Variants in BRCA1 observed in about 807,000 individuals in gnomAD.
The protein encoded by BRCA1 is breast cancer type 1 susceptibility protein.
BRCA1 carries 140 observed loss-of-function variants against 173.7 expected under a neutral mutation model. That is an observed-to-expected ratio of 0.81 (90% CI 0.70 to 0.93). The LOEUF (loss-of-function observed/expected upper bound fraction) is 0.93, where lower values mean the gene tolerates loss of function less well. BRCA1 is among the 40% of genes least tolerant of loss of function. The probability of loss-of-function intolerance (pLI) is 0.00; values close to 1 mark genes in which losing one functional copy is unlikely to be tolerated. For synonymous variants in BRCA1, 662 were observed against 756.0 expected (o/e 0.88, Z 2.04); for missense variants, 1,983 against 2,172.5 (o/e 0.91, Z 1.73).
chr17:43,125,230 C>T (rs2055823430), intron 1 of BRCA1, 41 bp downstream of exon 1: 1 of 456,072 alleles, frequency 2.2e-6, no homozygotes, highest in Non-Finnish European at 4.4e-6. Context: ...TACCCCAGAG[C>T]ATCACTTGGG....
intron 12 of BRCA1, chr17:43,079,867 T>A (rs1597844364): frequency 3.0e-6 from 2 of 664,384 alleles, no homozygotes; most frequent in East Asian, 5.4e-5. Flanking sequence ...GCATATAAAT[T>A]CCTCTTCTTA....
intron 1 of BRCA1, among the ~76,000 whole-genome samples, chr17:43,168,998 G>A (rs139315219): frequency 6.6e-6 from 1 of 152,098 alleles, no homozygotes; most frequent in Non-Finnish European, 1.5e-5. Context: ...CATCCCTGCC[G>A]GCAGCATCTG....
Position 43,049,620 on chromosome 17 carries a change from G to A in BRCA1, c.5333-426C>T, listed in dbSNP as rs554307369. Among the ~76,000 whole-genome samples the A allele has an allele frequency of 2.2e-4, 34 of 152,224 alleles. No individual in the cohort carries two copies. Among genetic ancestry groups the A allele is most frequent in the African/African-American group, 8.2e-4 (34 of 41,532 alleles). ...GGCCACTGAAAATACCATACTTGGT[G>A]GTAATTACTGTAAATGTCAAGAGAT... On this transcript the variant is annotated intron_variant, in intron 20 of 22. Transcript: ENST00000357654.
intron 6 of BRCA1, among the ~76,000 whole-genome samples, chr17:43,103,466 CAAAA>C (rs900598227): frequency 9.3e-5 from 6 of 64,646 alleles, no homozygotes; most frequent in African/African-American, 1.0e-4. Flanking sequence ...GACTCTGTCT[CAAAA>C]AAAAAAAAAA....
chr17:43,098,983 ATT>A (rs577010874), intron 7 of BRCA1, among the ~76,000 whole-genome samples: 40 of 130,416 alleles, frequency 3.1e-4, no homozygotes, highest in East Asian at 4.5e-4. Flanking sequence ...ACCCCGGCTA[ATT>A]TTTTTTTTTT....
intron 12 of BRCA1, among the ~76,000 whole-genome samples, chr17:43,080,979 G>C (rs373592036): frequency 2.0e-5 from 3 of 152,036 alleles, no homozygotes; most frequent in South Asian, 2.1e-4. Context: ...GGAGAAAAAG[G>C]CTCAAAACTT....
intron 15 of BRCA1, among the ~76,000 whole-genome samples, chr17:43,068,503 G>A (rs891598029): frequency 2.0e-5 from 3 of 150,384 alleles, no homozygotes; most frequent in African/African-American, 7.3e-5. Flanking sequence ...TTGAGCTCAA[G>A]AGTCTGAGAC....
In BRCA1 at chr17:43,093,954, T is replaced by C. The variant is rs2053917320; in HGVS notation, c.1577A>G (p.Gln526Arg). 6.2e-7 allele frequency: 1 copy of C among 1,613,896 alleles called. No homozygotes were observed. The highest frequency in any genetic ancestry group is 8.5e-7 in the Non-Finnish European group (1 of 1,179,946). ...CTGATTTATCATTTCAGGAGTCTTT[T>C]GAACTGCCAAATCTGCTTTCTTGAT... ...DFIKKADLAV[Q>R]KTPEMINQGT... Residue 526 changes from glutamine (Q) to arginine (R), a missense_variant, in exon 10 of 23, where the codon CAA becomes CGA. By Grantham distance (43) the Gln-to-Arg change is conservative (BLOSUM62 1). Transcript: ENST00000357654.
Position 43,067,387 on chromosome 17 carries a change from T to C in BRCA1, c.5074+221A>G, listed in dbSNP as rs142117419. The C allele has an allele frequency of 1.0e-3, 426 of 418,644 alleles. 2 individuals carry two copies. Among genetic ancestry groups the C allele is most frequent in the African/African-American group, 8.2e-3 (401 of 48,784 alleles). 25.9% of individuals were successfully genotyped at this position (418,644 alleles called of 1,614,324 possible). ...CTCCTGCCTCAGCCTCACGAGTAGC[T>C]GGGACTACAGGCGCACGCGACCACA... is the stretch of plus-strand genomic sequence containing the variant. On this transcript the variant is annotated intron_variant, in intron 16 of 22. Coordinates refer to ENST00000357654, the MANE Select transcript of BRCA1 (RefSeq NM_007294.4).
At position 43,093,065 on chromosome 17, in the gene BRCA1, A is replaced by G. The variant is rs1064794701; in HGVS notation, c.2466T>C (p.Asn822=). The change falls in exon 10 of 23, where the codon AAT becomes AAC. Residue 822 remains asparagine, a synonymous_variant. Coordinates refer to ENST00000357654, the MANE Select transcript of BRCA1 (RefSeq NM_007294.4). ...KGLIHGCSKD[N]RNDTEGFKYP... ...ACTTAAAGCCTTCTGTGTCATTTCT[A>G]TTATCTTTGGAACAACCATGAATTA... 5 of 1,613,692 alleles carry G rather than the reference A, an allele frequency of 3.1e-6. No homozygotes were observed. In the South Asian group the frequency reaches 3.3e-5, roughly 11 times the overall value.
At position 43,125,342 on chromosome 17, in the gene BRCA1, T is replaced by A. The variant is rs1271328462; in HGVS notation, c.-91A>T. On this transcript the variant is annotated 5_prime_UTR_variant, in exon 1 of 23. Transcript: ENST00000357654. ...GTTATCTGAGAAACCCCACAGCCTG[T>A]CCCCCGTCCAGGAAGTCTCAGCGAG... 1 of 442,398 alleles carries A rather than the reference T, an allele frequency of 2.3e-6. No individual in the cohort carries two copies. Among genetic ancestry groups the A allele is most frequent in the African/African-American group, 2.0e-5 (1 of 49,686 alleles). The allele number at this position is 442,398 out of a possible 1,614,324, so 27.4% of individuals were successfully genotyped here. A position where few individuals can be genotyped will look rare whatever the true frequency, so the allele number is the denominator to read the frequency against.
chr17:43,104,926 T>C lies in BRCA1; in HGVS notation c.243A>G (p.Gln81=), dbSNP rs863224418. Residue 81 remains glutamine, a synonymous_variant, in exon 5 of 23, where the codon CAA becomes CAG. Coordinates refer to ENST00000357654, the MANE Select transcript of BRCA1 (RefSeq NM_007294.4). ...RSLQESTRFS[Q]LVEELLKIIC... is the part of the protein sequence containing the mutation. ...TGATTTTCAATAGCTCTTCAACAAGTTGACTAAATCTCGTACTTTCTTGTA... is the reference window on the plus strand; with the variant it reads ...TGATTTTCAATAGCTCTTCAACAAGCTGACTAAATCTCGTACTTTCTTGTA... 7 of 1,613,930 alleles carry C rather than the reference T, an allele frequency of 4.3e-6. No individual in the cohort carries two copies. The highest frequency in any genetic ancestry group is 2.2e-5 in the East Asian group (1 of 44,834).
intron 18 of BRCA1, among the ~76,000 whole-genome samples, chr17:43,061,781 C>T (rs1384043151): frequency 1.3e-5 from 2 of 152,048 alleles, no homozygotes; most frequent in African/African-American, 2.4e-5. Flanking sequence ...GACAAGGTTT[C>T]ACCATGTTGA....
At chr17:43,068,188 A>G (rs2052230801) in intron 15 of BRCA1, among the ~76,000 whole-genome samples, 1 of 151,828 alleles carries the variant, frequency 6.6e-6, no homozygotes, top group African/African-American at 2.4e-5. Context: ...GAGGCAGGAG[A>G]ATGGCGTGAA....
chr17:43,131,007 C>T (rs757049908), intron 1 of BRCA1, among the ~76,000 whole-genome samples: 6 of 152,164 alleles, frequency 3.9e-5, no homozygotes, highest in Non-Finnish European at 8.8e-5. Flanking sequence ...TTAATTGTAT[C>T]ATTAGCAGTT....
At chr17:43,145,329 C>CTTTCTTTCT in intron 1 of BRCA1, 1 of 414,458 alleles carries the variant, frequency 2.4e-6, no homozygotes, top group Non-Finnish European at 4.5e-6. Flanking sequence ...TTTTTTCTTT[C>CTTTCTTTCT]TTTTTTTTTT....
rs1555588677 is a variant in BRCA1, at chr17:43,092,590, G to T, written c.2941C>A (p.Pro981Thr). Residue 981 changes from proline (P) to threonine (T), a missense_variant, in exon 10 of 23, where the codon CCA becomes ACA. Coordinates refer to ENST00000357654, the MANE Select transcript of BRCA1 (RefSeq NM_007294.4). ...AATGACTTGATGGGAAAAAGTGGTG[G>T]TATACGATATGGGTTTTGTAAAAGT... ...HGLLQNPYRI[P>T]PLFPIKSFVK... 2 of 1,614,000 alleles carry T rather than the reference G, an allele frequency of 1.2e-6. No individual in the cohort carries two copies. Among genetic ancestry groups the T allele is most frequent in the Non-Finnish European group, 1.7e-6 (2 of 1,179,988 alleles).
chr17:43,095,066 A>C (rs186509495), intron 9 of BRCA1, among the ~76,000 whole-genome samples: 68 of 151,820 alleles, frequency 4.5e-4, no homozygotes, highest in African/African-American at 1.6e-3. Flanking sequence ...AGGATCCATT[A>C]AATTTTTAAT....
Position 43,049,164 on chromosome 17 carries a change from C to T in BRCA1, c.5363G>A (p.Gly1788Asp), listed in dbSNP as rs80357069. Reference protein sequence around the residue: ...DQLEWMVQLCGASVVKELSSF... With the variant: ...DQLEWMVQLCDASVVKELSSF... Reference sequence around the variant, plus strand: ...TGAAAGCTCCTTCACCACAGAAGCACCACACAGCTGTACCATCCATTCCAG... The same window carrying T: ...TGAAAGCTCCTTCACCACAGAAGCATCACACAGCTGTACCATCCATTCCAG... Residue 1788 changes from glycine to aspartate, a missense_variant, in exon 21 of 23, where the codon GGT (glycine) becomes GAT (aspartate). Gly to Asp is a moderately conservative substitution (Grantham distance 94). Transcript: ENST00000357654. 1.2e-6 allele frequency: 2 copies of T among 1,614,158 alleles called. No homozygotes were observed. Among genetic ancestry groups the T allele is most frequent in the South Asian group, 1.1e-5 (1 of 91,092 alleles).
Sources: gnomAD v4.1 joint callset for allele counts (sites outside exome capture counted in the v4.1 genomes callset) on GRCh38, gnomAD v4.1.1 for gene constraint, MANE v1.5 for transcripts, NCBI Gene and HGNC (gene_info 2026-07-23, HGNC 2026-07-21) for gene names.